The following RBM19 variants were observed in gnomAD, a reference collection of about 807,000 sequenced individuals.
RBM19 encodes probable RNA-binding protein 19.
Under a neutral mutation model 116.8 loss-of-function variants are expected in RBM19, and 94 were observed. The observed-to-expected ratio is 0.80, with a 90% CI of 0.68 to 0.95. RBM19 has a LOEUF of 0.95. Among genes scored for constraint, RBM19 ranks in the 40% least tolerant of loss-of-function variants. The pLI is 0.00. For missense variants in RBM19, 1,161 were observed against 1,220.7 expected (o/e 0.95, Z 0.73); for synonymous variants, 475 against 494.1 (o/e 0.96, Z 0.51).
rs982320553 is a variant in RBM19 at position 113,872,057 on chromosome 12, C to T, written c.2559-13161G>A. Reference sequence around the variant, plus strand: ...AAAGTGAGGAGCGTCTCCGCCCAGCCGCCATCCCATCTAGGAAGTGAGGAG... The same window carrying T: ...AAAGTGAGGAGCGTCTCCGCCCAGCTGCCATCCCATCTAGGAAGTGAGGAG... On this transcript the variant is annotated intron_variant, in intron 21 of 23. Transcript: ENST00000261741. 1.6e-4 allele frequency among the ~76,000 whole-genome samples: 23 copies of T among 145,192 alleles called. No homozygotes were observed. In the South Asian group the frequency reaches 4.0e-3, roughly 25 times the overall value.
downstream of RBM19, among the ~76,000 whole-genome samples, chr12:113,820,182 A>G (rs1159792238): frequency 6.7e-6 from 1 of 149,750 alleles, no homozygotes; most frequent in Non-Finnish European, 1.5e-5. Flanking sequence ...TCCCTGGGTC[A>G]CCCTGGAAGA....
intron 16 of RBM19, among the ~76,000 whole-genome samples, chr12:113,929,490 C>CA (rs1197859663): frequency 2.0e-5 from 3 of 152,190 alleles, no homozygotes; most frequent in Non-Finnish European, 2.9e-5. Context: ...AGAGAGACTC[C>CA]ATGGTGTGGC....
rs1457554927 is a variant in RBM19 at position 113,823,306 on chromosome 12, T to G, written c.2801A>C (p.Lys934Thr). ...GATCTCGTCCAACACCACAGACCGC[T>G]TTTTCTTCGGGGGCTCTGTGGGAGC... Reference protein sequence around the residue: ...AAHFHEPPKKKRSVVLDEILE... With the variant: ...AAHFHEPPKKTRSVVLDEILE... The change falls in exon 24 of 24, where the codon AAG (lysine) becomes ACG (threonine). Residue 934 changes from lysine (K) to threonine (T), a missense_variant. By Grantham distance (78) the Lys-to-Thr change is moderately conservative (BLOSUM62 -1). Transcript: ENST00000261741. The G allele has an allele frequency of 6.2e-7, 1 of 1,612,824 alleles. No individual in the cohort carries two copies.
At chr12:113,964,898 A>AACAGTATAG (rs2135949677) in intron 1 of RBM19, among the ~76,000 whole-genome samples, 1 of 152,160 alleles carries the variant, frequency 6.6e-6, no homozygotes, top group African/African-American at 2.4e-5. Context: ...TGAATTTTGA[A>AACAGTATAG]AACTGTGTGT....
chr12:113,890,388 C>T (rs1339072462), intron 21 of RBM19, among the ~76,000 whole-genome samples: 1 of 152,144 alleles, frequency 6.6e-6, no homozygotes, highest in Non-Finnish European at 1.5e-5. Flanking sequence ...GAATATTATT[C>T]AGCATCCTGC....
Position 113,945,893 on chromosome 12 carries a change from G to A in RBM19, c.1561C>T (p.Pro521Ser). Reference protein sequence around the residue: ...SHNWNTLFMGPNAVADAIAQK... With the variant: ...SHNWNTLFMGSNAVADAIAQK... ...GCGATGGCATCGGCCACGGCATTCG[G>A]CCCCATGAATAGTGTGTTCCAGTTG... Residue 521 changes from proline (P) to serine (S), a missense_variant, in exon 13 of 24, where the codon CCG becomes TCG. By Grantham distance (74) the Pro-to-Ser change is moderately conservative. Coordinates refer to ENST00000261741, the MANE Select transcript of RBM19 (RefSeq NM_016196.4). The A allele has an allele frequency of 6.3e-7, 1 of 1,590,830 alleles. No individual in the cohort carries two copies. The highest frequency in any genetic ancestry group is 8.6e-7 in the Non-Finnish European group (1 of 1,158,744).
Position 113,946,397 on chromosome 12 carries a change from AGGAC to A in RBM19, c.1482_1485del (p.Ser495ThrfsTer73), listed in dbSNP as rs762286218. 1.9e-5 allele frequency: 30 copies of A among 1,613,950 alleles called. No homozygotes were observed. Among genetic ancestry groups the A allele is most frequent in the Middle Eastern group, 1.6e-4 (1 of 6,084 alleles). On this transcript the variant is annotated frameshift_variant, in exon 12 of 24. Coordinates refer to ENST00000261741, the MANE Select transcript of RBM19 (RefSeq NM_016196.4). LOFTEE classifies it high-confidence loss of function. ...TCCTGGGCCTCCTTCTTCTTCTTGT[AGGAC>A]GACGATCCCAGGGCACTGGCATCCT...
At chr12:113,909,430 C>T (rs115804575) in intron 21 of RBM19, among the ~76,000 whole-genome samples, 2,420 of 152,204 alleles carry the variant, frequency 0.016, 73 homozygotes, top group African/African-American at 0.054. Flanking sequence ...GATGGCCATG[C>T]GGGCGATTTT....
intron 4 of RBM19, 108 bp downstream of exon 4, chr12:113,959,741 CACCCTCTCCAGCCTCT>C: frequency 1.7e-6 from 2 of 1,209,846 alleles, no homozygotes; most frequent in East Asian, 5.1e-5. Flanking sequence ...TCCTAGCCTC[CACCCTCTCCAGCCTCT>C]ACGGTCTCCT....
At position 113,959,426 on chromosome 12, in the gene RBM19, C is replaced by A. The variant is rs186114773; in HGVS notation, c.379-22G>T. On this transcript the variant is annotated intron_variant, in intron 4 of 23. Transcript: ENST00000261741. ...TCAGCTGGTGGCACCAGAACCCGGG[C>A]GGCAGGGACACGGGAAAAAGAGAGA... is the stretch of plus-strand genomic sequence containing the variant. 43 of 1,590,664 alleles carry A rather than the reference C, an allele frequency of 2.7e-5. No homozygotes were observed. In the African/African-American group the frequency reaches 5.0e-4, roughly 18 times the overall value.
chr12:113,950,686 T>C (rs906647490), intron 8 of RBM19, among the ~76,000 whole-genome samples: 4 of 151,498 alleles, frequency 2.6e-5, no homozygotes, highest in Admixed American at 1.3e-4. Context: ...GTGAGGACCA[T>C]TCCCCTGCTT....
At chr12:113,931,527 C>T (rs1301093614) in intron 16 of RBM19, among the ~76,000 whole-genome samples, 1 of 152,186 alleles carries the variant, frequency 6.6e-6, no homozygotes, top group African/African-American at 2.4e-5. Flanking sequence ...TTACCCCTCA[C>T]CTCACCTGGA....
At chr12:113,851,043 A>G (rs546334414) in intron 22 of RBM19, among the ~76,000 whole-genome samples, 6 of 152,172 alleles carry the variant, frequency 3.9e-5, no homozygotes, top group Non-Finnish European at 7.4e-5. Context: ...CAAGGCTCCC[A>G]CTGTCCTGTG....
At chr12:113,913,790 G>C (rs1254146548) in intron 21 of RBM19, among the ~76,000 whole-genome samples, 1 of 152,250 alleles carries the variant, frequency 6.6e-6, no homozygotes, top group African/African-American at 2.4e-5. Context: ...ACGAGACCTA[G>C]TGTCTAGAAT....
chr12:113,831,868 C>G (rs1565961374), intron 23 of RBM19, among the ~76,000 whole-genome samples: 1 of 152,180 alleles, frequency 6.6e-6, no homozygotes, highest in Non-Finnish European at 1.5e-5. Context: ...TGGGCGATAC[C>G]TGCTCCAGCT....
At chr12:113,961,086 G>A (rs1200497134) in intron 2 of RBM19, among the ~76,000 whole-genome samples, 2 of 152,188 alleles carry the variant, frequency 1.3e-5, no homozygotes, top group Non-Finnish European at 2.9e-5. Flanking sequence ...GCAGTGGCAT[G>A]ATCATAGCTC....
At chr12:113,872,555 G>C (rs868717130) in intron 21 of RBM19, among the ~76,000 whole-genome samples, 1 of 113,660 alleles carries the variant, frequency 8.8e-6, no homozygotes. Context: ...CAGCCGCCCC[G>C]TCCGGGAGGG....
Position 113,942,383 on chromosome 12 carries a change from C to G in RBM19, c.1678G>C (p.Val560Leu). ...ATGAGAAAACGCCGCACTTCCTGGA[C>G]GAGCTGGGTTTCCCCCAGAGCCACG... ...VRVALGETQL[V>L]QEVRRFLIDN... The change falls in exon 14 of 24, where the codon GTC (valine) becomes CTC (leucine). Residue 560 changes from valine (V) to leucine (L), a missense_variant. Coordinates refer to ENST00000261741, the MANE Select transcript of RBM19 (RefSeq NM_016196.4). The G allele has an allele frequency of 6.2e-7, 1 of 1,609,628 alleles. No individual in the cohort carries two copies. The highest frequency in any genetic ancestry group is 1.6e-4 in the Middle Eastern group (1 of 6,062).
intron 21 of RBM19, among the ~76,000 whole-genome samples, chr12:113,865,260 G>A (rs1025095503): frequency 5.3e-5 from 8 of 152,080 alleles, no homozygotes; most frequent in Admixed American, 3.3e-4. Flanking sequence ...TGTATCACCT[G>A]GAACCCTGCT....
Sources: gnomAD v4.1 joint callset for allele counts (sites outside exome capture counted in the v4.1 genomes callset) on GRCh38, gnomAD v4.1.1 for gene constraint, MANE v1.5 for transcripts, NCBI Gene and HGNC (gene_info 2026-07-23, HGNC 2026-07-21) for gene names.